Variants in MLIP observed in about 807,000 individuals in gnomAD.
MLIP encodes muscular LMNA interacting protein.
In MLIP, 79 loss-of-function variants were observed where a neutral mutation model predicts 84.8. That is an observed-to-expected ratio of 0.93 (90% confidence interval 0.78 to 1.12). The LOEUF (loss-of-function observed/expected upper bound fraction) is 1.12. MLIP is among the 50% of genes most tolerant of loss of function. The pLI is 0.00. For synonymous variants in MLIP, 504 were observed against 463.0 expected (o/e 1.09, Z -1.14); for missense variants, 1,257 against 1,160.6 (o/e 1.08, Z -1.21).
intron 3 of MLIP, among the ~76,000 whole-genome samples, chr6:54,130,603 G>T (rs1181776093): frequency 6.6e-6 from 1 of 152,028 alleles, no homozygotes; most frequent in African/African-American, 2.4e-5. Context: ...GACACTAGGG[G>T]TACATAGACA....
At chr6:54,148,775 A>G (rs1479275874) in intron 4 of MLIP, among the ~76,000 whole-genome samples, 3 of 152,166 alleles carry the variant, frequency 2.0e-5, no homozygotes, top group Non-Finnish European at 4.4e-5. Flanking sequence ...AAATTTATAT[A>G]TAACTTTGTG....
At chr6:54,228,656 C>T (rs1216251457) in intron 11 of MLIP, among the ~76,000 whole-genome samples, 2 of 152,204 alleles carry the variant, frequency 1.3e-5, no homozygotes, top group Non-Finnish European at 1.5e-5. Flanking sequence ...CTTGATTCCG[C>T]CAGATAAGCG....
At chr6:54,234,216 CT>C (rs1445076524) in intron 12 of MLIP, among the ~76,000 whole-genome samples, 2 of 152,068 alleles carry the variant, frequency 1.3e-5, no homozygotes, top group African/African-American at 4.8e-5. Context: ...TGACCCAACC[CT>C]TTTTAGATGG....
chr6:54,190,005 C>T, intron 10 of MLIP, 91 bp downstream of exon 10: 2 of 851,370 alleles, frequency 2.3e-6, no homozygotes, highest in Non-Finnish European at 3.7e-6. Context: ...AATACATTTA[C>T]TATATATATT....
At chr6:54,048,086 G>A (rs1765170439) in intron 1 of MLIP, among the ~76,000 whole-genome samples, 1 of 152,208 alleles carries the variant, frequency 6.6e-6, no homozygotes, top group Non-Finnish European at 1.5e-5. Context: ...AGTGTCCTGA[G>A]AAGGGAGGTG....
At chr6:54,176,282 T>A (rs1263153544) in intron 9 of MLIP, among the ~76,000 whole-genome samples, 1 of 151,718 alleles carries the variant, frequency 6.6e-6, no homozygotes, top group Non-Finnish European at 1.5e-5. Flanking sequence ...CTTTGTTTGT[T>A]TGTTTTTTTG....
upstream of MLIP, among the ~76,000 whole-genome samples, chr6:54,109,130 A>G (rs1769233312): frequency 6.6e-6 from 1 of 150,954 alleles, no homozygotes; most frequent in East Asian, 1.9e-4. Context: ...ATACATATAT[A>G]TTCATATATA....
At chr6:54,145,244 T>A (rs1333523950) in intron 4 of MLIP, among the ~76,000 whole-genome samples, 3 of 152,150 alleles carry the variant, frequency 2.0e-5, no homozygotes, top group Non-Finnish European at 4.4e-5. Context: ...AAGAGGAAAA[T>A]AAATGAATTT....
At chr6:54,044,805 G>A (rs2150307733) in intron 1 of MLIP, among the ~76,000 whole-genome samples, 1 of 152,222 alleles carries the variant, frequency 6.6e-6, no homozygotes, top group African/African-American at 2.4e-5. Flanking sequence ...TCAATGGAAA[G>A]GACAGAGGGA....
At chr6:54,173,928 A>G (rs750310652) in intron 9 of MLIP, among the ~76,000 whole-genome samples, 10 of 150,134 alleles carry the variant, frequency 6.7e-5, no homozygotes, top group Admixed American at 4.7e-4. Flanking sequence ...TCTGCTCTCT[A>G]TCTCCATGAG....
rs144933257 is a variant in MLIP, at chr6:54,225,992, G to T, written c.2719-4722G>T. ...AGCAACCCAAGAAAGCTAAATCCTA[G>T]GCTGGCCAGGGAGAAAGCCAAGTAC... On this transcript the variant is annotated intron_variant, in intron 11 of 13. Coordinates refer to ENST00000502396, the MANE Select transcript of MLIP (RefSeq NM_001281747.2). Among the ~76,000 whole-genome samples, 195 of 152,284 alleles carry T rather than the reference G, an allele frequency of 1.3e-3. 1 individual carries two copies. Among genetic ancestry groups the T allele is most frequent in the African/African-American group, 4.5e-3 (185 of 41,548 alleles).
chr6:54,209,122 A>T (rs1444765975), intron 11 of MLIP, among the ~76,000 whole-genome samples: 1 of 152,218 alleles, frequency 6.6e-6, no homozygotes, highest in Admixed American at 6.5e-5. Flanking sequence ...CGATATTGGC[A>T]TATATTTTAA....
chr6:54,140,094 A>G (rs1772163443), intron 4 of MLIP, among the ~76,000 whole-genome samples: 2 of 152,172 alleles, frequency 1.3e-5, no homozygotes, highest in African/African-American at 2.4e-5. Flanking sequence ...TTTGTAGAGT[A>G]TTTAAAACGA....
intron 1 of MLIP, among the ~76,000 whole-genome samples, chr6:54,118,318 C>G (rs1456661826): frequency 6.6e-6 from 1 of 152,094 alleles, no homozygotes; most frequent in Non-Finnish European, 1.5e-5. Flanking sequence ...GCGTAAAAAC[C>G]AACACATGGA....
At chr6:54,168,769 T>G (rs1412790817) in intron 8 of MLIP, among the ~76,000 whole-genome samples, 2 of 151,696 alleles carry the variant, frequency 1.3e-5, no homozygotes, top group African/African-American at 4.8e-5. Context: ...TTAGTTTGTT[T>G]GAAAGAGTTT....
intron 1 of MLIP, among the ~76,000 whole-genome samples, chr6:54,037,316 G>T: frequency 6.6e-6 from 1 of 151,878 alleles, no homozygotes; most frequent in East Asian, 1.9e-4. Flanking sequence ...ATCTTCTATG[G>T]CTTTCCTGGA....
intron 5 of MLIP, among the ~76,000 whole-genome samples, chr6:54,158,818 C>T (rs1284016531): frequency 6.6e-6 from 1 of 151,726 alleles, no homozygotes; most frequent in East Asian, 1.9e-4. Context: ...GTTGCATCTC[C>T]GTTAAGAATC....
Position 54,100,243 on chromosome 6 carries a change from T to C in MLIP, c.64-21204T>C, listed in dbSNP as rs146757761. 2.4e-3 allele frequency among the ~76,000 whole-genome samples: 367 copies of C among 152,266 alleles called. 2 individuals are homozygous for C. Among genetic ancestry groups the C allele is most frequent in the African/African-American group, 8.4e-3 (350 of 41,562 alleles). ...TTTATGGAAGTGATGGAGCCATTCT[T>C]TGTTGTGTTTGGTAGTGTCTTTATT... On this transcript the variant is annotated intron_variant, in intron 1 of 12. Transcript: ENST00000274897.
chr6:54,202,330 T>C (rs1276019175), intron 11 of MLIP, 97 bp downstream of exon 11: 5 of 653,580 alleles, frequency 7.7e-6, no homozygotes, highest in South Asian at 4.9e-5. Context: ...AAATATAAAA[T>C]AAAGATGTCT....
Sources: allele counts gnomAD v4.1 joint callset (sites outside exome capture counted in the v4.1 genomes callset), GRCh38; gene constraint gnomAD v4.1.1; transcripts MANE v1.5; gene names NCBI Gene and HGNC (gene_info 2026-07-23, HGNC 2026-07-21).